Variants in RBFOX1 observed in about 807,000 individuals in gnomAD.
The protein encoded by RBFOX1 is RNA binding protein fox-1 homolog 1.
A neutral mutation model predicts 57.7 loss-of-function variants in RBFOX1; 8 were observed. The ratio of observed to expected loss-of-function variants is 0.14; its 90% CI spans 0.08 to 0.25. The LOEUF is 0.25. RBFOX1 is among the 10% of genes least tolerant of loss of function. The pLI, the probability that RBFOX1 is intolerant of heterozygous loss-of-function variation, is 1.00. For missense variants in RBFOX1, 611 were observed against 548.5 expected (o/e 1.11, Z -1.14); for synonymous variants, 326 against 222.4 (o/e 1.47, Z -4.15).
At chr16:7,071,587 A>G (rs563773208) in intron 4 of RBFOX1, among the ~76,000 whole-genome samples, 105 of 148,054 alleles carry the variant, frequency 7.1e-4, no homozygotes, top group African/African-American at 2.3e-3. Flanking sequence ...TTGCCCAGAT[A>G]TGTGTGTGTG....
At chr16:6,266,454 C>G (rs1443363539) in intron 1 of RBFOX1, among the ~76,000 whole-genome samples, 1 of 152,182 alleles carries the variant, frequency 6.6e-6, no homozygotes, top group Non-Finnish European at 1.5e-5. Context: ...TTGCTCACGC[C>G]TGTAATCCCA....
intron 3 of RBFOX1, among the ~76,000 whole-genome samples, chr16:5,736,791 G>T (rs1263140273): frequency 1.3e-5 from 2 of 151,110 alleles, no homozygotes; most frequent in African/African-American, 4.9e-5. Flanking sequence ...TTATGTGTCT[G>T]TGAATTTGTC....
At chr16:7,426,616 G>T (rs891807297) in intron 4 of RBFOX1, among the ~76,000 whole-genome samples, 6 of 152,152 alleles carry the variant, frequency 3.9e-5, no homozygotes, top group East Asian at 1.9e-4. Context: ...AAAATTAGGC[G>T]CACGCTGTGC....
chr16:5,821,271 GCTGT>G (rs976880077), intron 3 of RBFOX1, among the ~76,000 whole-genome samples: 10 of 151,802 alleles, frequency 6.6e-5, no homozygotes, highest in East Asian at 1.9e-4. Flanking sequence ...GGGGAAGTGG[GCTGT>G]CTGTCATTCT....
intron 3 of RBFOX1, among the ~76,000 whole-genome samples, chr16:6,764,806 G>T (rs116527798): frequency 1.3e-5 from 2 of 151,952 alleles, no homozygotes; most frequent in Non-Finnish European, 2.9e-5. Context: ...GCATGGTGAC[G>T]GGTGCCTGTA....
chr16:7,371,940 C>A (rs1395666013), intron 4 of RBFOX1, among the ~76,000 whole-genome samples: 3 of 151,998 alleles, frequency 2.0e-5, no homozygotes, highest in Admixed American at 6.6e-5. Context: ...CTGTGACATA[C>A]CTTATTTAAG....
At chr16:7,581,075 A>T (rs972806539) in intron 6 of RBFOX1, among the ~76,000 whole-genome samples, 1 of 152,050 alleles carries the variant, frequency 6.6e-6, no homozygotes, top group Admixed American at 6.6e-5. Flanking sequence ...ATTAGCTTGC[A>T]CCTTTTACTT....
At chr16:7,037,346 C>T (rs565824917) in intron 3 of RBFOX1, among the ~76,000 whole-genome samples, 1 of 145,924 alleles carries the variant, frequency 6.9e-6, no homozygotes, top group South Asian at 2.2e-4. Flanking sequence ...GGTTCAAGAG[C>T]TTCTCCTGCC....
intron 3 of RBFOX1, among the ~76,000 whole-genome samples, chr16:6,747,563 C>T (rs761000944): frequency 6.6e-6 from 1 of 152,118 alleles, no homozygotes; most frequent in African/African-American, 2.4e-5. Context: ...CACATAATCT[C>T]TGTTAAAAGT....
chr16:6,602,017 C>G (rs900796126), intron 2 of RBFOX1, among the ~76,000 whole-genome samples: 1 of 152,248 alleles, frequency 6.6e-6, no homozygotes, highest in South Asian at 2.1e-4. Context: ...AATGAAGTAC[C>G]TAGAAGCAGC....
chr16:6,631,651 A>T (rs1167401315), intron 2 of RBFOX1, among the ~76,000 whole-genome samples: 1 of 152,180 alleles, frequency 6.6e-6, no homozygotes, highest in African/African-American at 2.4e-5. Flanking sequence ...CAAGGTTATC[A>T]ATGCAAATAA....
intron 1 of RBFOX1, among the ~76,000 whole-genome samples, chr16:6,070,818 C>A (rs1022275663): frequency 7.0e-6 from 1 of 142,096 alleles, no homozygotes; most frequent in Non-Finnish European, 1.5e-5. Context: ...CACACGCTCG[C>A]CCCCCCCACA....
intron 3 of RBFOX1, among the ~76,000 whole-genome samples, chr16:6,996,762 CAGAT>C (rs971049639): frequency 9.2e-5 from 14 of 152,072 alleles, no homozygotes; most frequent in African/African-American, 3.4e-4. Flanking sequence ...TTCTACATGT[CAGAT>C]AGAGGGATTT....
chr16:6,565,207 A>G (rs1234670958), intron 2 of RBFOX1, among the ~76,000 whole-genome samples: 2 of 151,540 alleles, frequency 1.3e-5, no homozygotes, highest in Non-Finnish European at 2.9e-5. Context: ...TAGAAAAGAC[A>G]AAGTACAAAT....
At chr16:6,925,908 T>C (rs2075490853) in intron 3 of RBFOX1, among the ~76,000 whole-genome samples, 1 of 152,170 alleles carries the variant, frequency 6.6e-6, no homozygotes, top group Admixed American at 6.6e-5. Flanking sequence ...ATCATCTATT[T>C]ATTTATTTAC....
intron 1 of RBFOX1, among the ~76,000 whole-genome samples, chr16:6,137,905 A>G (rs1199774028): frequency 6.6e-6 from 1 of 152,094 alleles, no homozygotes; most frequent in Admixed American, 6.6e-5. Flanking sequence ...CCCGTACACC[A>G]GGCCTTCACA....
intron 3 of RBFOX1, among the ~76,000 whole-genome samples, chr16:6,924,138 C>T (rs963966648): frequency 3.3e-5 from 5 of 151,458 alleles, no homozygotes; most frequent in South Asian, 2.1e-4. Flanking sequence ...CACTGCACTC[C>T]AGCCTGGGTG....
chr16:5,554,511 A>G (rs971005156), intron 2 of RBFOX1, among the ~76,000 whole-genome samples: 18 of 151,784 alleles, frequency 1.2e-4, no homozygotes, highest in Admixed American at 2.0e-4. Context: ...ACATTTTAAT[A>G]AAGCTGACCA....
intron 1 of RBFOX1, among the ~76,000 whole-genome samples, chr16:6,288,249 T>C (rs1438192382): frequency 1.3e-5 from 2 of 151,204 alleles, no homozygotes; most frequent in African/African-American, 4.9e-5. Flanking sequence ...GGTTTTTTTA[T>C]AGCGATGTTT....
Sources: gnomAD v4.1 joint callset for allele counts (sites outside exome capture counted in the v4.1 genomes callset) on GRCh38, gnomAD v4.1.1 for gene constraint, MANE v1.5 for transcripts, NCBI Gene and HGNC (gene_info 2026-07-23, HGNC 2026-07-21) for gene names.